NRXN3: variants seen among roughly 807,000 people sequenced by gnomAD.
The protein encoded by NRXN3 is neurexin 3, also known as neurexin III.
A neutral mutation model predicts 137.6 loss-of-function variants in NRXN3; 32 were observed. That is an observed-to-expected ratio of 0.23 (90% confidence interval 0.18 to 0.31). The LOEUF (loss-of-function observed/expected upper bound fraction) is 0.31. Ranked by LOEUF, NRXN3 falls within the 10% of genes least tolerant of loss-of-function variation. The pLI is 1.00. For missense variants in NRXN3, 1,574 were observed against 2,062.5 expected (o/e 0.76, Z 4.59); for synonymous variants, 798 against 784.5 (o/e 1.02, Z -0.29).
At chr14:78,971,891 C>T (rs2099442523) in intron 14 of NRXN3, among the ~76,000 whole-genome samples, 1 of 152,134 alleles carries the variant, frequency 6.6e-6, no homozygotes, top group Non-Finnish European at 1.5e-5. Context: ...CCACCTCGGC[C>T]TCCCAAAGTG....
At chr14:79,811,941 C>T (rs937504603) in intron 20 of NRXN3, among the ~76,000 whole-genome samples, 4 of 151,996 alleles carry the variant, frequency 2.6e-5, no homozygotes, top group Non-Finnish European at 5.9e-5. Flanking sequence ...TAAACCATTG[C>T]AGTAACTATG....
chr14:78,189,183 A>G (rs1395442526), intron 1 of NRXN3, among the ~76,000 whole-genome samples: 1 of 152,036 alleles, frequency 6.6e-6, no homozygotes, highest in Non-Finnish European at 1.5e-5. Flanking sequence ...CTGGAATATG[A>G]CTATACTTCT....
At chr14:78,894,007 G>T (rs2099166611) in intron 10 of NRXN3, among the ~76,000 whole-genome samples, 2 of 151,906 alleles carry the variant, frequency 1.3e-5, no homozygotes, top group African/African-American at 4.8e-5. Context: ...ATGATAATCT[G>T]AGCATACAGT....
At chr14:79,679,148 C>T (rs1367501085) in intron 17 of NRXN3, among the ~76,000 whole-genome samples, 1 of 151,420 alleles carries the variant, frequency 6.6e-6, no homozygotes, top group East Asian at 1.9e-4. Flanking sequence ...TCTTACATCT[C>T]ATATCTAGGA....
At chr14:78,652,630 G>A (rs981507544) in intron 6 of NRXN3, among the ~76,000 whole-genome samples, 1 of 152,164 alleles carries the variant, frequency 6.6e-6, no homozygotes, top group African/African-American at 2.4e-5. Flanking sequence ...ATGGTTATTT[G>A]AAATTTGTTG....
chr14:79,365,811 A>T (rs934465162), intron 15 of NRXN3, among the ~76,000 whole-genome samples: 24 of 151,502 alleles, frequency 1.6e-4, no homozygotes, highest in Non-Finnish European at 2.9e-5. Flanking sequence ...TTGCACTAAT[A>T]ACTTGAATAT....
chr14:78,390,320 T>C (rs2090584967), intron 4 of NRXN3, among the ~76,000 whole-genome samples: 1 of 152,190 alleles, frequency 6.6e-6, no homozygotes, highest in African/African-American at 2.4e-5. Flanking sequence ...ATTGTGTCAT[T>C]TGCAGTACAG....
chr14:78,841,694 AG>A (rs1457846781), intron 10 of NRXN3, among the ~76,000 whole-genome samples: 1 of 152,042 alleles, frequency 6.6e-6, no homozygotes, highest in Non-Finnish European at 1.5e-5. Context: ...GTCTAGCAAA[AG>A]CCTAACACAC....
chr14:78,932,076 G>T (rs1427857733), intron 10 of NRXN3, among the ~76,000 whole-genome samples: 1 of 152,066 alleles, frequency 6.6e-6, no homozygotes, highest in Non-Finnish European at 1.5e-5. Flanking sequence ...GGAGATGGAG[G>T]TTGCAGTAAG....
chr14:79,226,300 A>G (rs1367211547), intron 15 of NRXN3, among the ~76,000 whole-genome samples: 1 of 152,228 alleles, frequency 6.6e-6, no homozygotes, highest in African/African-American at 2.4e-5. Context: ...TTATTCTTTT[A>G]TAAACTTGCT....
chr14:78,464,126 C>A (rs572206216), intron 4 of NRXN3, among the ~76,000 whole-genome samples: 1 of 150,598 alleles, frequency 6.6e-6, no homozygotes, highest in Non-Finnish European at 1.5e-5. Flanking sequence ...GATCTCAGCT[C>A]GCTGCAGCCT....
At chr14:78,557,317 G>A (rs2152244870) in intron 4 of NRXN3, among the ~76,000 whole-genome samples, 1 of 151,154 alleles carries the variant, frequency 6.6e-6, no homozygotes, top group Middle Eastern at 3.4e-3. Context: ...GCCTCTCAAA[G>A]TACTGGGATC....
At chr14:79,624,037 C>T (rs2098254662) in intron 16 of NRXN3, among the ~76,000 whole-genome samples, 1 of 152,128 alleles carries the variant, frequency 6.6e-6, no homozygotes, top group Non-Finnish European at 1.5e-5. Flanking sequence ...AGCCTCCCTT[C>T]ATGACTACTG....
chr14:78,743,848 T>C (rs2098594240), intron 8 of NRXN3, among the ~76,000 whole-genome samples: 1 of 152,190 alleles, frequency 6.6e-6, no homozygotes, highest in Non-Finnish European at 1.5e-5. Flanking sequence ...GATTTAAGTC[T>C]TATTAAGATT....
At chr14:78,384,256 T>C (rs1233301622) in intron 4 of NRXN3, among the ~76,000 whole-genome samples, 1 of 152,054 alleles carries the variant, frequency 6.6e-6, no homozygotes, top group Non-Finnish European at 1.5e-5. Context: ...ATCCAATTGG[T>C]TGAGCCTGTC....
chr14:78,374,908 C>A (rs1044722054), intron 4 of NRXN3, among the ~76,000 whole-genome samples: 1 of 152,076 alleles, frequency 6.6e-6, no homozygotes, highest in Non-Finnish European at 1.5e-5. Flanking sequence ...TAGTAGTCAA[C>A]CATGTTGAAG....
At chr14:78,489,339 C>T (rs2095622042) in intron 4 of NRXN3, among the ~76,000 whole-genome samples, 1 of 152,208 alleles carries the variant, frequency 6.6e-6, no homozygotes, top group Non-Finnish European at 1.5e-5. Flanking sequence ...GAACCCAGCA[C>T]TGTCCTCCTT....
intron 15 of NRXN3, among the ~76,000 whole-genome samples, chr14:79,451,094 G>A (rs1320373081): frequency 6.6e-6 from 1 of 151,578 alleles, no homozygotes; most frequent in Non-Finnish European, 1.5e-5. Context: ...CACAAATGGT[G>A]GCTCCAGGAT....
intron 9 of NRXN3, among the ~76,000 whole-genome samples, chr14:78,804,094 G>A (rs191297781): frequency 2.0e-5 from 3 of 152,060 alleles, no homozygotes; most frequent in East Asian, 3.9e-4. Context: ...TTTTGGAATC[G>A]TTTAGCTTTG....
Sources: allele counts gnomAD v4.1 joint callset (sites outside exome capture counted in the v4.1 genomes callset), GRCh38; gene constraint gnomAD v4.1.1; transcripts MANE v1.5; gene names NCBI Gene and HGNC (gene_info 2026-07-23, HGNC 2026-07-21).